Variants in GALNTL6 observed in about 807,000 individuals in gnomAD.
The protein encoded by GALNTL6 is polypeptide N-acetylgalactosaminyltransferase like 6, also known as polypeptide N-acetylgalactosaminyltransferase-like 6.
Under a neutral mutation model 73.7 loss-of-function variants are expected in GALNTL6, and 46 were observed. The ratio of observed to expected loss-of-function variants is 0.62; its 90% CI spans 0.49 to 0.80. The LOEUF (loss-of-function observed/expected upper bound fraction) is 0.80, where lower values mean the gene tolerates loss of function less well. Ranked by LOEUF, GALNTL6 falls within the 30% of genes least tolerant of loss-of-function variation. The pLI is 0.00. For missense variants in GALNTL6, 604 were observed against 755.0 expected, an observed-to-expected ratio of 0.80 and a Z score of 2.34; for synonymous variants, 259 against 263.7, an observed-to-expected ratio of 0.98 and a Z score of 0.17.
intron 2 of GALNTL6, among the ~76,000 whole-genome samples, chr4:172,034,943 T>C (rs1272822268): frequency 1.3e-5 from 2 of 152,140 alleles, no homozygotes; most frequent in Non-Finnish European, 2.9e-5. Flanking sequence ...ATATATTTAT[T>C]GCAATATGTA....
intron 2 of GALNTL6, among the ~76,000 whole-genome samples, chr4:172,011,240 T>C (rs1740996278): frequency 6.6e-6 from 1 of 152,066 alleles, no homozygotes; most frequent in Non-Finnish European, 1.5e-5. Context: ...TGTGTGAGCT[T>C]AAGTGAAACT....
intron 2 of GALNTL6, among the ~76,000 whole-genome samples, chr4:171,970,228 TGA>T (rs1739526456): frequency 6.6e-6 from 1 of 152,080 alleles, no homozygotes; most frequent in Non-Finnish European, 1.5e-5. Flanking sequence ...CCAGCAAATT[TGA>T]GAGTCCTATG....
intron 5 of GALNTL6, among the ~76,000 whole-genome samples, chr4:172,361,549 T>C (rs2111240158): frequency 6.6e-6 from 1 of 152,242 alleles, no homozygotes; most frequent in African/African-American, 2.4e-5. Context: ...TCTGGGTCTG[T>C]ACTTAGCCTA....
chr4:172,219,728 T>C (rs1394277552), intron 2 of GALNTL6, among the ~76,000 whole-genome samples: 1 of 151,992 alleles, frequency 6.6e-6, no homozygotes. Flanking sequence ...TTTCTTCTAG[T>C]TGTCAAGTCT....
intron 2 of GALNTL6, among the ~76,000 whole-genome samples, chr4:172,074,664 G>A (rs1271911422): frequency 2.6e-5 from 4 of 152,064 alleles, no homozygotes; most frequent in African/African-American, 9.7e-5. Context: ...GTAGTGTCCT[G>A]AGAAAAACAG....
At chr4:172,208,467 C>T (rs2110920145) in intron 2 of GALNTL6, among the ~76,000 whole-genome samples, 1 of 152,152 alleles carries the variant, frequency 6.6e-6, no homozygotes, top group Non-Finnish European at 1.5e-5. Flanking sequence ...CTAAATCAGA[C>T]ATATCTGAGT....
In GALNTL6 at chr4:172,405,313, A is replaced by G. The variant is rs535775840; in HGVS notation, c.553+56624A>G. 1.3e-4 allele frequency among the ~76,000 whole-genome samples: 19 copies of G among 147,662 alleles called. No individual in the cohort carries two copies. The South Asian group carries it at 3.8e-3, about 29-fold the overall frequency. On this transcript the variant is annotated intron_variant, in intron 5 of 12. Coordinates refer to ENST00000506823, the MANE Select transcript of GALNTL6 (RefSeq NM_001034845.3). Reference sequence around the variant, plus strand: ...ATATGTACTTCAACATATATACTTAATACTTATATATATAAGTATATATAA... The same window carrying G: ...ATATGTACTTCAACATATATACTTAGTACTTATATATATAAGTATATATAA...
intron 5 of GALNTL6, among the ~76,000 whole-genome samples, chr4:172,396,572 CTT>C (rs2111314531): frequency 6.6e-6 from 1 of 152,184 alleles, no homozygotes; most frequent in East Asian, 1.9e-4. Flanking sequence ...TATTTTTCTC[CTT>C]ACTTAAGACC....
At chr4:172,199,307 T>G (rs769514627) in intron 2 of GALNTL6, among the ~76,000 whole-genome samples, 1 of 152,232 alleles carries the variant, frequency 6.6e-6, no homozygotes, top group Non-Finnish European at 1.5e-5. Context: ...CAAAAAATGC[T>G]TAGTGATTAT....
intron 10 of GALNTL6, among the ~76,000 whole-genome samples, chr4:172,996,317 T>C (rs1012270861): frequency 3.9e-5 from 6 of 152,080 alleles, no homozygotes; most frequent in Non-Finnish European, 8.8e-5. Flanking sequence ...ATGTTCTCAC[T>C]TACAAGTGGG....
chr4:172,156,549 A>ATATATATATATATATATAG (rs1560945645), intron 2 of GALNTL6, among the ~76,000 whole-genome samples: 1 of 65,942 alleles, frequency 1.5e-5, no homozygotes, highest in African/African-American at 5.9e-5. Flanking sequence ...TAATATATAT[A>ATATATATATATATATATAG]TATATATATA....
chr4:172,997,325 T>TGTC (rs1751839680), intron 10 of GALNTL6, among the ~76,000 whole-genome samples: 1 of 152,174 alleles, frequency 6.6e-6, no homozygotes. Flanking sequence ...TCCTGCCTGC[T>TGTC]GTCTGCTGGT....
chr4:172,783,798 G>A (rs1323307338), intron 5 of GALNTL6, among the ~76,000 whole-genome samples: 3 of 152,090 alleles, frequency 2.0e-5, no homozygotes, highest in East Asian at 3.9e-4. Flanking sequence ...TGTTTCATAA[G>A]CACTTGAGAA....
intron 2 of GALNTL6, among the ~76,000 whole-genome samples, chr4:172,151,776 C>T (rs971706828): frequency 2.0e-5 from 3 of 152,006 alleles, no homozygotes; most frequent in East Asian, 1.9e-4. Flanking sequence ...CAAGCTCCCA[C>T]GTGATGCTGC....
At chr4:172,186,255 C>T (rs998211673) in intron 2 of GALNTL6, among the ~76,000 whole-genome samples, 12 of 152,046 alleles carry the variant, frequency 7.9e-5, no homozygotes, top group Admixed American at 6.6e-5. Context: ...TACTTGACAG[C>T]CCCTAGCATG....
intron 2 of GALNTL6, among the ~76,000 whole-genome samples, chr4:171,972,729 A>G (rs1222673663): frequency 1.3e-5 from 2 of 152,140 alleles, no homozygotes; most frequent in East Asian, 3.8e-4. Context: ...TAAAATTGCT[A>G]TCTATTAAAT....
chr4:172,394,592 C>T (rs1414963337), intron 5 of GALNTL6, among the ~76,000 whole-genome samples: 1 of 151,930 alleles, frequency 6.6e-6, no homozygotes, highest in East Asian at 1.9e-4. Flanking sequence ...CCACCACGCC[C>T]AGCTAATTTT....
At chr4:172,937,571 G>T (rs1241795627) in intron 9 of GALNTL6, among the ~76,000 whole-genome samples, 5 of 152,148 alleles carry the variant, frequency 3.3e-5, no homozygotes, top group African/African-American at 1.2e-4. Context: ...GATTTTCTTT[G>T]GCAAATAAAT....
intron 5 of GALNTL6, among the ~76,000 whole-genome samples, chr4:172,400,860 A>G (rs1303101990): frequency 6.6e-6 from 1 of 152,160 alleles, no homozygotes; most frequent in Non-Finnish European, 1.5e-5. Flanking sequence ...TGACCACTCT[A>G]TCGACATCCT....
Sources: gnomAD v4.1 joint callset for allele counts (sites outside exome capture counted in the v4.1 genomes callset) on GRCh38, gnomAD v4.1.1 for gene constraint, MANE v1.5 for transcripts, NCBI Gene and HGNC (gene_info 2026-07-23, HGNC 2026-07-21) for gene names.